Variants in TENM3 observed in about 807,000 individuals in gnomAD.
TENM3 encodes the protein teneurin transmembrane protein 3, also known as teneurin-3.
TENM3 carries 63 observed loss-of-function variants against 255.1 expected under a neutral mutation model. The observed-to-expected ratio is 0.25, with a 90% CI of 0.20 to 0.30. TENM3 has a LOEUF of 0.30. Ranked by LOEUF, TENM3 falls within the 10% of genes least tolerant of loss-of-function variation. The pLI is 1.00. For synonymous variants in TENM3, 1,306 were observed against 1,322.3 expected (o/e 0.99, Z 0.27); for missense variants, 2,929 against 3,461.1 (o/e 0.85, Z 3.86).
chr4:182,677,396 G>T (rs746459521), intron 7 of TENM3, among the ~76,000 whole-genome samples: 8 of 152,024 alleles, frequency 5.3e-5, no homozygotes, highest in Admixed American at 5.2e-4. Context: ...AATTCCTCCC[G>T]TTCACTTTTT....
chr4:181,505,541 C>T, the TENM3 span, among the ~76,000 whole-genome samples: 1 of 152,152 alleles, frequency 6.6e-6, no homozygotes, highest in Admixed American at 6.5e-5. Flanking sequence ...TACACCGCAG[C>T]ATTATTTTCT....
the TENM3 span, among the ~76,000 whole-genome samples, chr4:181,899,827 G>C: frequency 6.6e-6 from 1 of 152,086 alleles, no homozygotes; most frequent in African/African-American, 2.4e-5. Flanking sequence ...CAGCCTCCCA[G>C]TGTGGTGGGA....
chr4:182,672,442 T>C (rs566520072), intron 6 of TENM3, among the ~76,000 whole-genome samples: 1 of 152,260 alleles, frequency 6.6e-6, no homozygotes, highest in African/African-American at 2.4e-5. Context: ...TCCTTTCCCC[T>C]CACAATGCCC....
chr4:181,930,737 C>T, the TENM3 span, among the ~76,000 whole-genome samples: 2 of 152,122 alleles, frequency 1.3e-5, no homozygotes, highest in Non-Finnish European at 2.9e-5. Context: ...AGGCCAATAT[C>T]CCTGATGAAC....
At chr4:181,748,145 T>C in the TENM3 span, among the ~76,000 whole-genome samples, 1 of 152,198 alleles carries the variant, frequency 6.6e-6, no homozygotes, top group Admixed American at 6.5e-5. Flanking sequence ...AAAACTTTAT[T>C]ATCACGTTGT....
intron 3 of TENM3, among the ~76,000 whole-genome samples, chr4:182,599,488 C>T (rs1388672094): frequency 6.6e-6 from 1 of 152,002 alleles, no homozygotes; most frequent in African/African-American, 2.4e-5. Context: ...TCCCTCATTA[C>T]AAGAGTGAGA....
chr4:181,605,597 G>GA, the TENM3 span, among the ~76,000 whole-genome samples: 120 of 123,592 alleles, frequency 9.7e-4, 9 homozygotes, highest in African/African-American at 3.1e-3. Context: ...AAGAAAGAAA[G>GA]AAAGAAAGAA....
intron 3 of TENM3, among the ~76,000 whole-genome samples, chr4:182,457,655 A>G (rs1437526109): frequency 7.0e-6 from 1 of 142,722 alleles, no homozygotes; most frequent in South Asian, 2.2e-4. Flanking sequence ...ACTCCTAGGC[A>G]CAAGTGATCC....
At chr4:182,364,497 A>T (rs1332393926) in intron 3 of TENM3, among the ~76,000 whole-genome samples, 3 of 152,128 alleles carry the variant, frequency 2.0e-5, no homozygotes, top group African/African-American at 7.2e-5. Flanking sequence ...GCTCACTGCA[A>T]GCTCCGTCTT....
At chr4:181,931,508 A>G in the TENM3 span, among the ~76,000 whole-genome samples, 1 of 152,222 alleles carries the variant, frequency 6.6e-6, no homozygotes, top group African/African-American at 2.4e-5. Flanking sequence ...ACTCAAGGAA[A>G]TCAGAGAGGA....
intron 3 of TENM3, among the ~76,000 whole-genome samples, chr4:182,471,721 C>A (rs972756606): frequency 1.3e-5 from 2 of 151,878 alleles, no homozygotes; most frequent in South Asian, 2.1e-4. Flanking sequence ...ATAAACATGT[C>A]ATGAAATAGT....
At chr4:182,033,726 G>A in the TENM3 span, among the ~76,000 whole-genome samples, 2 of 152,042 alleles carry the variant, frequency 1.3e-5, no homozygotes, top group Non-Finnish European at 2.9e-5. Flanking sequence ...CTTTTGTATT[G>A]GGTGCATATG....
the TENM3 span, among the ~76,000 whole-genome samples, chr4:181,813,550 A>C: frequency 6.6e-6 from 1 of 152,242 alleles, no homozygotes; most frequent in Non-Finnish European, 1.5e-5. Context: ...CAGCATACAC[A>C]AATGAAAACA....
At chr4:182,603,332 G>A (rs530808514) in intron 4 of TENM3, among the ~76,000 whole-genome samples, 64 of 152,166 alleles carry the variant, frequency 4.2e-4, no homozygotes, top group African/African-American at 1.4e-3. Context: ...GAAATCAACC[G>A]CTGATATGAT....
intron 4 of TENM3, among the ~76,000 whole-genome samples, chr4:182,620,179 A>G (rs1262547217): frequency 1.3e-5 from 2 of 152,208 alleles, no homozygotes; most frequent in East Asian, 3.9e-4. Flanking sequence ...TGTGTGCTTT[A>G]TAGAGAATTA....
the TENM3 span, among the ~76,000 whole-genome samples, chr4:181,978,483 C>G: frequency 6.6e-6 from 1 of 151,966 alleles, no homozygotes; most frequent in Non-Finnish European, 1.5e-5. Flanking sequence ...ACCATCTCTA[C>G]TAAAAATACA....
chr4:181,725,931 C>T, the TENM3 span, among the ~76,000 whole-genome samples: 2 of 151,942 alleles, frequency 1.3e-5, no homozygotes, highest in Non-Finnish European at 2.9e-5. Flanking sequence ...AATGCCAAGA[C>T]TCAAGACATG....
At chr4:182,052,630 C>T in the TENM3 span, among the ~76,000 whole-genome samples, 2 of 152,164 alleles carry the variant, frequency 1.3e-5, no homozygotes, top group South Asian at 2.1e-4. Flanking sequence ...ATTTGCCTAA[C>T]ATTCACCTAA....
At chr4:181,605,504 A>G in the TENM3 span, among the ~76,000 whole-genome samples, 1 of 15,196 alleles carries the variant, frequency 6.6e-5, no homozygotes, top group African/African-American at 1.9e-4. Flanking sequence ...GAAAGAAAGA[A>G]AGAAAGAAAG....
Sources: gnomAD v4.1 joint callset for allele counts (sites outside exome capture counted in the v4.1 genomes callset) on GRCh38, gnomAD v4.1.1 for gene constraint, MANE v1.5 for transcripts, NCBI Gene and HGNC (gene_info 2026-07-23, HGNC 2026-07-21) for gene names.